Variants in STK24 observed in about 807,000 individuals in gnomAD.
The protein encoded by STK24 is serine/threonine-protein kinase 24.
A neutral mutation model predicts 55.6 loss-of-function variants in STK24; 21 were observed. The observed-to-expected ratio is 0.38, with a 90% CI of 0.27 to 0.54. The LOEUF is 0.54. Among genes scored for constraint, STK24 ranks in the 20% least tolerant of loss-of-function variants. The pLI, the probability that STK24 is intolerant of heterozygous loss-of-function variation, is 0.79. For synonymous variants in STK24, 200 were observed against 215.2 expected (o/e 0.93, Z 0.62); for missense variants, 383 against 538.4 (o/e 0.71, Z 2.86).
chr13:98,572,036 T>G (rs1408740948), intron 1 of STK24, among the ~76,000 whole-genome samples: 4 of 152,190 alleles, frequency 2.6e-5, no homozygotes, highest in Admixed American at 2.6e-4. Context: ...GGCACCCCAC[T>G]GCCTCTTCAG....
intron 1 of STK24, among the ~76,000 whole-genome samples, chr13:98,568,865 T>A (rs181891538): frequency 5.9e-5 from 9 of 151,754 alleles, no homozygotes; most frequent in Admixed American, 5.9e-4. Context: ...CGAGACTCCA[T>A]CTCGAAAAAC....
intron 1 of STK24, among the ~76,000 whole-genome samples, chr13:98,547,106 G>T (rs907210158): frequency 1.3e-5 from 2 of 152,102 alleles, no homozygotes; most frequent in African/African-American, 2.4e-5. Context: ...TAGAGACAGG[G>T]TTTCACCATG....
intron 2 of STK24, among the ~76,000 whole-genome samples, chr13:98,503,311 C>A (rs2139349805): frequency 6.6e-6 from 1 of 152,302 alleles, no homozygotes; most frequent in Admixed American, 6.5e-5. Flanking sequence ...GCCATGCCAA[C>A]AGACCAGTTT....
intron 1 of STK24, among the ~76,000 whole-genome samples, chr13:98,549,637 C>G (rs770747604): frequency 5.9e-5 from 9 of 152,178 alleles, no homozygotes; most frequent in Admixed American, 5.9e-4. Flanking sequence ...ACTTCACCTT[C>G]GGCCATGAGT....
In STK24 at chr13:98,472,371, T is replaced by C. The variant is rs116097227; in HGVS notation, c.597+2450A>G. Among the ~76,000 whole-genome samples, 1,200 of 152,294 alleles carry C rather than the reference T, an allele frequency of 7.9e-3. 17 individuals are homozygous for C. Among genetic ancestry groups the C allele is most frequent in the African/African-American group, 0.027 (1,125 of 41,562 alleles). On this transcript the variant is annotated intron_variant, in intron 5 of 10. Coordinates refer to ENST00000539966, the MANE Select transcript of STK24 (RefSeq NM_001032296.4). ...GAACTCTGAAGGGAGGACTTGCCCT[T>C]CAAGGAAGGTGGGTGCGGATGGCTC... is the stretch of plus-strand genomic sequence containing the variant.
Position 98,470,718 on chromosome 13 carries a change from G to A in STK24, c.597+4103C>T, listed in dbSNP as rs114129844. 6.2e-3 allele frequency among the ~76,000 whole-genome samples: 945 copies of A among 152,264 alleles called. 14 individuals carry two copies. Among genetic ancestry groups the A allele is most frequent in the African/African-American group, 0.022 (912 of 41,536 alleles). On this transcript the variant is annotated intron_variant, in intron 5 of 10. Coordinates refer to ENST00000539966, the MANE Select transcript of STK24 (RefSeq NM_001032296.4). Reference sequence around the variant, plus strand: ...ACTCTCCTCAACATTGGGAGATGTGGGGATCTATGCAACAGCATCCTACAT... The same window carrying A: ...ACTCTCCTCAACATTGGGAGATGTGAGGATCTATGCAACAGCATCCTACAT...
Position 98,450,102 on chromosome 13 carries a change from T to G in STK24, c.*3071A>C, listed in dbSNP as rs1385042958. On this transcript the variant is annotated 3_prime_UTR_variant, in exon 11 of 11. Transcript: ENST00000539966. ...GGTTCTGACCTGTGACCAGCACCTC[T>G]GCTTCCTGTGTGCCCTCAAGAAAAT... 6.6e-6 allele frequency: 1 copy of G among 152,254 alleles called. No individual in the cohort carries two copies. Among genetic ancestry groups the G allele is most frequent in the African/African-American group, 2.4e-5 (1 of 41,464 alleles). 9.4% of individuals were successfully genotyped at this position (152,254 alleles called of 1,614,324 possible).
Position 98,482,266 on chromosome 13 carries a change from A to T in STK24, c.329T>A (p.Leu110Gln), listed in dbSNP as rs1894619489. The change falls in exon 3 of 11, where the codon CTA (leucine) becomes CAA (glutamine). Residue 110 changes from leucine to glutamine, a missense_variant and splice_region_variant. By Grantham distance (113) the Leu-to-Gln change is moderately radical (BLOSUM62 -2). Transcript: ENST00000539966. ...EYLGGGSALD[L>Q]LEPGPLDETQ... is the part of the protein sequence containing the mutation. The stretch of plus-strand genomic sequence containing the variant: ...TTCTGCATCCAACATAATACTTACT[A>T]GATCTAGTGCGGAGCCTCCACCAAG... The T allele has an allele frequency of 1.3e-6, 2 of 1,558,676 alleles. No homozygotes were observed. Among genetic ancestry groups the T allele is most frequent in the Non-Finnish European group, 1.7e-6 (2 of 1,143,302 alleles).
intron 2 of STK24, among the ~76,000 whole-genome samples, chr13:98,503,603 G>A (rs1278164465): frequency 6.6e-6 from 1 of 152,190 alleles, no homozygotes. Context: ...TGGGAGACGT[G>A]GAAAGGAGAA....
intron 3 of STK24, among the ~76,000 whole-genome samples, chr13:98,477,892 C>T (rs533276316): frequency 6.6e-6 from 1 of 152,264 alleles, no homozygotes; most frequent in East Asian, 1.9e-4. Flanking sequence ...ATGGAAAATC[C>T]TCCCCTGGAT....
chr13:98,497,627 G>T (rs1895295166), intron 2 of STK24, among the ~76,000 whole-genome samples: 1 of 152,222 alleles, frequency 6.6e-6, no homozygotes, highest in African/African-American at 2.4e-5. Flanking sequence ...CCTGGGCCCT[G>T]CTGGCAAAGC....
intron 3 of STK24, among the ~76,000 whole-genome samples, chr13:98,477,713 A>G (rs567820668): frequency 6.7e-6 from 1 of 149,078 alleles, no homozygotes; most frequent in South Asian, 2.1e-4. Flanking sequence ...GTCGGGTCCC[A>G]TCTCCCATCT....
rs1265967518 is a variant in STK24 at position 98,475,367 on chromosome 13, A to AG, written c.331-10dup. The AG allele has an allele frequency of 6.4e-7, 1 of 1,570,924 alleles. No homozygotes were observed. Among genetic ancestry groups the AG allele is most frequent in the East Asian group, 2.2e-5 (1 of 44,670 alleles). On this transcript the variant is annotated splice_polypyrimidine_tract_variant and intron_variant, in intron 3 of 10. Transcript: ENST00000539966. ...AATGGGCCAGGTTCTAACTAAGAAG[A>AG]GAAAAAAATTCTTAAAGTTACTTAA...
In STK24 at chr13:98,465,530, G is replaced by A. The variant is rs74642893; in HGVS notation, c.783+846C>T. On this transcript the variant is annotated intron_variant, in intron 6 of 10. Coordinates refer to ENST00000539966, the MANE Select transcript of STK24 (RefSeq NM_001032296.4). ...TGCAGGACAAGCCCCACCACCACCC[G>A]ATGCTGATGTAGTCATCAAACACTG... Among the ~76,000 whole-genome samples, 1,126 of 152,344 alleles carry A rather than the reference G, an allele frequency of 7.4e-3. 13 individuals carry two copies. Among genetic ancestry groups the A allele is most frequent in the African/African-American group, 0.025 (1,052 of 41,584 alleles).
chr13:98,551,549 C>A (rs1419744826), intron 1 of STK24, among the ~76,000 whole-genome samples: 1 of 151,854 alleles, frequency 6.6e-6, no homozygotes, highest in East Asian at 1.9e-4. Flanking sequence ...AAGGAAAAAC[C>A]TAACCCTTCT....
chr13:98,514,552 C>T (rs1349752020), intron 2 of STK24, among the ~76,000 whole-genome samples: 2 of 152,174 alleles, frequency 1.3e-5, no homozygotes, highest in Non-Finnish European at 2.9e-5. Flanking sequence ...GGTCAAACTA[C>T]TCAGAAAAGT....
In STK24 at chr13:98,533,174, T is replaced by C. The variant is rs565679407; in HGVS notation, c.43-13701A>G. On this transcript the variant is annotated intron_variant, in intron 1 of 10. Coordinates refer to ENST00000539966, the MANE Select transcript of STK24 (RefSeq NM_001032296.4). ...TGGGTGGATCACTTGAGGCCAGGAG[T>C]TCAAGACTAACCTAGCCAACATGGT... Among the ~76,000 whole-genome samples the C allele has an allele frequency of 7.3e-5, 11 of 151,604 alleles. 1 individual carries two copies. The South Asian group carries it at 2.3e-3, about 32-fold the overall frequency.
At chr13:98,561,152 C>A (rs1012663880) in intron 1 of STK24, among the ~76,000 whole-genome samples, 2 of 152,184 alleles carry the variant, frequency 1.3e-5, no homozygotes, top group African/African-American at 4.8e-5. Context: ...GTAACACCAC[C>A]GTGTGGGTAT....
chr13:98,545,339 C>T (rs1322834335), intron 1 of STK24, among the ~76,000 whole-genome samples: 2 of 152,188 alleles, frequency 1.3e-5, no homozygotes, highest in Non-Finnish European at 1.5e-5. Flanking sequence ...AACGTACACA[C>T]GTGCAGATCA....
Sources: allele counts gnomAD v4.1 joint callset (sites outside exome capture counted in the v4.1 genomes callset), GRCh38; gene constraint gnomAD v4.1.1; transcripts MANE v1.5; gene names NCBI Gene and HGNC (gene_info 2026-07-23, HGNC 2026-07-21).